The following WDR20 variants were observed in gnomAD, a reference collection of about 807,000 sequenced individuals.
The protein encoded by WDR20 is WD repeat domain 20.
WDR20 carries 3 observed loss-of-function variants against 38.7 expected under a neutral mutation model. That is an observed-to-expected ratio of 0.08 (90% confidence interval 0.04 to 0.20). The LOEUF is 0.20. Among genes scored for constraint, WDR20 ranks in the 10% least tolerant of loss-of-function variants. WDR20 has a pLI of 1.00. For missense variants in WDR20, 559 were observed against 727.7 expected, an observed-to-expected ratio of 0.77 and a Z score of 2.67; for synonymous variants, 298 against 285.6, an observed-to-expected ratio of 1.04 and a Z score of -0.44.
chr14:102,199,658 C>T lies in WDR20; in HGVS notation c.432+4538C>T, dbSNP rs183156557. 2.0e-5 allele frequency among the ~76,000 whole-genome samples: 3 copies of T among 152,218 alleles called. No homozygotes were observed. In the East Asian group the frequency reaches 5.8e-4, roughly 29 times the overall value. Reference sequence around the variant, plus strand: ...GAATCCCCAGCATCAGTTACTCTGGCCTTTGCCTCCTTTCTGGTGCCTGGT... The same window carrying T: ...GAATCCCCAGCATCAGTTACTCTGGTCTTTGCCTCCTTTCTGGTGCCTGGT... On this transcript the variant is annotated intron_variant, in intron 2 of 2. Coordinates refer to ENST00000342702, the MANE Select transcript of WDR20 (RefSeq NM_144574.4).
intron 1 of WDR20, among the ~76,000 whole-genome samples, chr14:102,154,690 C>T (rs1458199778): frequency 1.3e-5 from 2 of 152,140 alleles, no homozygotes; most frequent in Non-Finnish European, 1.5e-5. Flanking sequence ...GTACCTAGAA[C>T]AGTGCTTGGC....
At chr14:102,149,747 G>A (rs189905292) in intron 1 of WDR20, among the ~76,000 whole-genome samples, 283 of 152,300 alleles carry the variant, frequency 1.9e-3, no homozygotes, top group African/African-American at 6.0e-3. Flanking sequence ...AGGCTGGAGT[G>A]CAGTGGCTCG....
At chr14:102,210,684 T>G (rs2062370856), downstream of WDR20, among the ~76,000 whole-genome samples, 1 of 151,212 alleles carries the variant, frequency 6.6e-6, no homozygotes, top group Non-Finnish European at 1.5e-5. Context: ...AGATGCACTT[T>G]GCTTGTGTGT....
chr14:102,203,667 C>T (rs574221816), intron 2 of WDR20, among the ~76,000 whole-genome samples: 6 of 152,214 alleles, frequency 3.9e-5, no homozygotes, highest in Admixed American at 2.6e-4. Context: ...GGTGCTTCTG[C>T]CACTCCTGCC....
chr14:102,201,825 C>T (rs1202855778), intron 2 of WDR20, among the ~76,000 whole-genome samples: 1 of 152,180 alleles, frequency 6.6e-6, no homozygotes, highest in Admixed American at 6.5e-5. Context: ...GATGGAGAGC[C>T]CTGTGGCCAG....
chr14:102,184,917 A>G (rs546041197), intron 1 of WDR20, among the ~76,000 whole-genome samples: 3 of 152,170 alleles, frequency 2.0e-5, no homozygotes, highest in Non-Finnish European at 2.9e-5. Flanking sequence ...GCTAGAGACA[A>G]TGCACCAACG....
intron 1 of WDR20, among the ~76,000 whole-genome samples, chr14:102,153,849 G>A (rs193001648): frequency 5.9e-5 from 9 of 152,256 alleles, no homozygotes; most frequent in East Asian, 3.9e-4. Flanking sequence ...CTTGACCATC[G>A]ATTTGTGGTA....
In WDR20 at chr14:102,209,702, C is replaced by T. The variant is rs779399464; in HGVS notation, c.1532C>T (p.Thr511Met). 5.0e-6 allele frequency: 8 copies of T among 1,614,136 alleles called. No homozygotes were observed. The Admixed American group carries it at 5.0e-5, about 10-fold the overall frequency. The change falls in exon 3 of 3, where the codon ACG becomes ATG. Residue 511 changes from threonine to methionine, a missense_variant. By Grantham distance (81) the Thr-to-Met change is moderately conservative. Transcript: ENST00000342702. The surrounding 1 kb of genome is among the most constrained non-coding windows in gnomAD (Gnocchi z 6.0). ...TKTDPAKTLG[T>M]PLCPRMEDVP... ...ACGGACCCTGCTAAAACTCTGGGAA[C>T]GCCCCTGTGTCCTCGAATGGAAGAT...
intron 1 of WDR20, among the ~76,000 whole-genome samples, chr14:102,149,233 G>C (rs1049405568): frequency 1.3e-5 from 2 of 152,044 alleles, no homozygotes; most frequent in African/African-American, 4.8e-5. Context: ...GTCTTGCTGT[G>C]TTGCCTAGTC....
At chr14:102,215,026 C>T (rs2063044807), downstream of WDR20, 1 of 972,122 alleles carries the variant, frequency 1.0e-6, no homozygotes, top group Admixed American at 6.2e-5. Context: ...TTTCAGTAGT[C>T]ATTTTCACAT....
At chr14:102,205,095 A>T (rs1370380183) in intron 2 of WDR20, among the ~76,000 whole-genome samples, 1 of 152,166 alleles carries the variant, frequency 6.6e-6, no homozygotes, top group Non-Finnish European at 1.5e-5. Context: ...ATTTACAAAA[A>T]ATATAAATTT....
intron 1 of WDR20, among the ~76,000 whole-genome samples, chr14:102,180,449 T>C (rs2063158511): frequency 6.6e-6 from 1 of 152,180 alleles, no homozygotes; most frequent in South Asian, 2.1e-4. Flanking sequence ...AACATATCAC[T>C]TTACACTTTT....
rs1597039529 is a variant in WDR20 at position 102,210,161 on chromosome 14, T to A, written c.*281T>A. On this transcript the variant is annotated 3_prime_UTR_variant, in exon 3 of 3. Coordinates refer to ENST00000342702, the MANE Select transcript of WDR20 (RefSeq NM_144574.4). Reference sequence around the variant, plus strand: ...GTTAGCGCTCCTGTATTAGACTATTTCAATTTTAGGAAAATCATGACCATG... The same window carrying A: ...GTTAGCGCTCCTGTATTAGACTATTACAATTTTAGGAAAATCATGACCATG... The A allele has an allele frequency of 4.5e-6, 5 of 1,104,896 alleles. No individual in the cohort carries two copies. The Admixed American group carries it at 2.3e-4, about 50-fold the overall frequency. The allele number at this position is 1,104,896 out of a possible 1,614,324, so 68.4% of individuals were successfully genotyped here.
intron 1 of WDR20, among the ~76,000 whole-genome samples, chr14:102,157,092 ATC>A (rs1484713472): frequency 1.3e-5 from 2 of 151,946 alleles, no homozygotes; most frequent in Non-Finnish European, 2.9e-5. Flanking sequence ...TGAGACCCCC[ATC>A]TCTGCAAAAA....
chr14:102,198,798 C>G (rs1436195611), intron 2 of WDR20, among the ~76,000 whole-genome samples: 1 of 152,120 alleles, frequency 6.6e-6, no homozygotes, highest in African/African-American at 2.4e-5. Context: ...ATTAATAAAT[C>G]AGGTTTCTGG....
chr14:102,145,321 C>G (rs773125745), intron 1 of WDR20, among the ~76,000 whole-genome samples: 5 of 152,104 alleles, frequency 3.3e-5, no homozygotes, highest in African/African-American at 1.2e-4. Context: ...AAAAATATTG[C>G]TAGTAGGTAA....
intron 1 of WDR20, among the ~76,000 whole-genome samples, chr14:102,142,029 T>C: frequency 6.6e-6 from 1 of 152,222 alleles, no homozygotes; most frequent in Non-Finnish European, 1.5e-5. Context: ...GAAGTATCAT[T>C]ACAATAGTGT....
In WDR20 at chr14:102,202,968, C is replaced by G. The variant is rs557532508; in HGVS notation, c.433-5635C>G. On this transcript the variant is annotated intron_variant, in intron 2 of 2. Coordinates refer to ENST00000342702, the MANE Select transcript of WDR20 (RefSeq NM_144574.4). Reference sequence around the variant, plus strand: ...GGCAAAACCCAGGGGTCTTTACACACCCCCGCTTTCCATCTTGCCCTCCAC... The same window carrying G: ...GGCAAAACCCAGGGGTCTTTACACAGCCCCGCTTTCCATCTTGCCCTCCAC... 2.0e-5 allele frequency among the ~76,000 whole-genome samples: 3 copies of G among 152,312 alleles called. No homozygotes were observed. In the South Asian group the frequency reaches 6.2e-4, roughly 32 times the overall value.
At position 102,140,156 on chromosome 14, in the gene WDR20, A is replaced by T; in HGVS notation, c.233A>T (p.Tyr78Phe). The T allele has an allele frequency of 6.2e-7, 1 of 1,613,058 alleles. No homozygotes were observed. Among genetic ancestry groups the T allele is most frequent in the Non-Finnish European group, 8.5e-7 (1 of 1,179,958 alleles). ...GGCCGGGAGCTGTACTTCTATATCTACAAGGGGGTCCGCAAGGTACCGACC... is the reference window on the plus strand; with the variant it reads ...GGCCGGGAGCTGTACTTCTATATCTTCAAGGGGGTCCGCAAGGTACCGACC... Reference protein sequence around the residue: ...NVGRELYFYIYKGVRKAADLS... With the variant: ...NVGRELYFYIFKGVRKAADLS... The change falls in exon 1 of 3, where the codon TAC becomes TTC. Residue 78 changes from tyrosine to phenylalanine, a missense_variant. Coordinates refer to ENST00000342702, the MANE Select transcript of WDR20 (RefSeq NM_144574.4).
Sources: gnomAD v4.1 joint callset for allele counts (sites outside exome capture counted in the v4.1 genomes callset) on GRCh38, gnomAD v4.1.1 for gene constraint, Gnocchi (gnomAD v3.1) non-coding constraint, MANE v1.5 for transcripts, NCBI Gene and HGNC (gene_info 2026-07-23, HGNC 2026-07-21) for gene names.